Variants in AIM2 observed in about 807,000 individuals in gnomAD.
AIM2 encodes interferon-inducible protein AIM2.
Under a neutral mutation model 27.7 loss-of-function variants are expected in AIM2, and 30 were observed. That is an observed-to-expected ratio of 1.08 (90% CI 0.81 to 1.47). AIM2 has a LOEUF of 1.47. Ranked by LOEUF, AIM2 falls within the 40% of genes most tolerant of loss-of-function variation. AIM2 has a pLI of 0.00. For synonymous variants in AIM2, 141 were observed against 145.3 expected (o/e 0.97, Z 0.21); for missense variants, 358 against 411.3 (o/e 0.87, Z 1.12).
At chr1:159,076,527 G>C (rs2101993839) in intron 1 of AIM2, 106 bp downstream of exon 1, 2 of 152,338 alleles carry the variant, frequency 1.3e-5, no homozygotes, top group Middle Eastern at 6.8e-3. Context: ...GCAGGTTCAG[G>C]TTCTCAGAGG....
At chr1:159,121,634 G>C (rs1196035478) in intron 1 of AIM2, among the ~76,000 whole-genome samples, 1 of 152,168 alleles carries the variant, frequency 6.6e-6, no homozygotes, top group Non-Finnish European at 1.5e-5. Context: ...ACCACTCTCT[G>C]AGTGTCCTGT....
At chr1:159,102,290 C>T (rs1050483025) in intron 1 of AIM2, among the ~76,000 whole-genome samples, 1 of 152,170 alleles carries the variant, frequency 6.6e-6, no homozygotes, top group East Asian at 1.9e-4. Flanking sequence ...GGAACCTCTG[C>T]CTAGATTTCA....
In AIM2 at chr1:159,115,786, T is replaced by C. The variant is rs567700100; in HGVS notation, c.-16+24645A>G. On this transcript the variant is annotated intron_variant, in intron 1 of 2. Transcript: ENST00000368129. ...CACAGGCATGGGCAAGGATTTCATG[T>C]CTAAAACACCAAAAGCAATGGCAAC... Among the ~76,000 whole-genome samples the C allele has an allele frequency of 2.6e-3, 397 of 152,222 alleles. 1 individual carries two copies. The highest frequency in any genetic ancestry group is 4.0e-3 in the Non-Finnish European group (270 of 68,002).
At chr1:159,135,957 G>A (rs1163539770) in intron 1 of AIM2, among the ~76,000 whole-genome samples, 1 of 152,014 alleles carries the variant, frequency 6.6e-6, no homozygotes, top group African/African-American at 2.4e-5. Flanking sequence ...AGACACACTC[G>A]CCCTCATCCC....
At chr1:159,090,101 C>T (rs1657012158) in intron 1 of AIM2, among the ~76,000 whole-genome samples, 1 of 152,182 alleles carries the variant, frequency 6.6e-6, no homozygotes, top group South Asian at 2.1e-4. Flanking sequence ...AGAGGCCATC[C>T]CAGCTCTAGG....
chr1:159,120,820 C>T (rs1218375369), intron 1 of AIM2, among the ~76,000 whole-genome samples: 1 of 152,188 alleles, frequency 6.6e-6, no homozygotes, highest in Non-Finnish European at 1.5e-5. Flanking sequence ...GCATGATCAA[C>T]TGTGTTCCAG....
chr1:159,117,547 T>G (rs1433773684), intron 1 of AIM2, among the ~76,000 whole-genome samples: 1 of 152,214 alleles, frequency 6.6e-6, no homozygotes, highest in Non-Finnish European at 1.5e-5. Flanking sequence ...GTGTAATTAT[T>G]GACTCTTTCT....
chr1:159,117,204 C>G (rs1253894836), intron 1 of AIM2, among the ~76,000 whole-genome samples: 1 of 152,070 alleles, frequency 6.6e-6, no homozygotes, highest in Admixed American at 6.6e-5. Context: ...ACGGAGGAGA[C>G]AGGTGCATTT....
In AIM2 at chr1:159,106,256, G is replaced by A. The variant is rs148485936; in HGVS notation, c.-16+34175C>T. 3.0e-3 allele frequency among the ~76,000 whole-genome samples: 456 copies of A among 152,284 alleles called. 4 individuals carry two copies. The highest frequency in any genetic ancestry group is 0.01 in the African/African-American group (429 of 41,556). ...CACTCCACCAACTCAGAAGCAGGCA[G>A]GGCTCCCACCTGTTCCTGGCTCCCA... On this transcript the variant is annotated intron_variant, in intron 1 of 2. Coordinates refer to the AIM2 transcript ENST00000368129.
intron 1 of AIM2, among the ~76,000 whole-genome samples, chr1:159,120,220 T>C (rs1398312777): frequency 1.3e-5 from 2 of 152,190 alleles, no homozygotes; most frequent in African/African-American, 2.4e-5. Flanking sequence ...CTGGGTTAAG[T>C]TTACGATTTC....
chr1:159,081,468 T>A (rs1043919206), upstream of AIM2: 1 of 502,836 alleles, frequency 2.0e-6, no homozygotes, highest in African/African-American at 2.0e-5. Flanking sequence ...TCACATCCAA[T>A]CTGGGAAATG....
intron 1 of AIM2, among the ~76,000 whole-genome samples, chr1:159,131,106 T>G (rs1647862028): frequency 6.6e-6 from 1 of 152,096 alleles, no homozygotes; most frequent in Non-Finnish European, 1.5e-5. Flanking sequence ...CATAATGTGT[T>G]GGGATGACCT....
intron 1 of AIM2, among the ~76,000 whole-genome samples, chr1:159,085,009 T>C (rs1279340851): frequency 6.6e-6 from 1 of 152,102 alleles, no homozygotes; most frequent in Non-Finnish European, 1.5e-5. Flanking sequence ...CCTAAACATA[T>C]AATGCCAAGA....
chr1:159,075,445 A>G (rs978771229), intron 1 of AIM2, among the ~76,000 whole-genome samples: 1 of 151,688 alleles, frequency 6.6e-6, no homozygotes, highest in Non-Finnish European at 1.5e-5. Flanking sequence ...CATATTCTCA[A>G]TTTCTTTGTA....
upstream of AIM2, chr1:159,081,292 G>T (rs76789206): frequency 0.084 from 18,409 of 220,316 alleles, 1,486 homozygotes; most frequent in East Asian, 0.32. Context: ...TTGTAAAGGG[G>T]ATTAGCAAAG....
chr1:159,071,421 G>A (rs1406304838), intron 2 of AIM2, among the ~76,000 whole-genome samples: 1 of 152,192 alleles, frequency 6.6e-6, no homozygotes, highest in African/African-American at 2.4e-5. Flanking sequence ...TTCAAAAGCG[G>A]CCTAAGTATG....
At chr1:159,107,948 A>T (rs1657487478) in intron 1 of AIM2, among the ~76,000 whole-genome samples, 1 of 152,176 alleles carries the variant, frequency 6.6e-6, no homozygotes, top group Non-Finnish European at 1.5e-5. Flanking sequence ...GACCAGACAG[A>T]TGCACAGCAG....
chr1:159,116,276 G>T (rs927016080), intron 1 of AIM2, among the ~76,000 whole-genome samples: 1 of 152,110 alleles, frequency 6.6e-6, no homozygotes, highest in Admixed American at 6.5e-5. Context: ...TCAGTGTGGC[G>T]ATTCCTCAGG....
intron 1 of AIM2, among the ~76,000 whole-genome samples, chr1:159,109,847 C>T (rs2102027230): frequency 6.6e-6 from 1 of 152,232 alleles, no homozygotes; most frequent in East Asian, 1.9e-4. Flanking sequence ...CAAATCAAAA[C>T]CACAATGTGA....
Sources: gnomAD v4.1 joint callset for allele counts (sites outside exome capture counted in the v4.1 genomes callset) on GRCh38, gnomAD v4.1.1 for gene constraint, MANE v1.5 for transcripts, NCBI Gene and HGNC (gene_info 2026-07-23, HGNC 2026-07-21) for gene names.